SOX5: variants seen among roughly 807,000 people sequenced by gnomAD.
The protein encoded by SOX5 is SRY-box transcription factor 5.
A neutral mutation model predicts 92.0 loss-of-function variants in SOX5; 9 were observed. The ratio of observed to expected loss-of-function variants is 0.10; its 90% CI spans 0.06 to 0.17. SOX5 has a LOEUF of 0.17. SOX5 is among the 10% of genes least tolerant of loss of function. The probability of loss-of-function intolerance (pLI) is 1.00; values close to 1 mark genes in which losing one functional copy is unlikely to be tolerated. For synonymous variants in SOX5, 344 were observed against 336.3 expected, an observed-to-expected ratio of 1.02 and a Z score of -0.25; for missense variants, 642 against 944.5, an observed-to-expected ratio of 0.68 and a Z score of 4.20.
chr12:24,283,087 C>G (rs1284386615), intron 2 of SOX5, among the ~76,000 whole-genome samples: 3 of 152,146 alleles, frequency 2.0e-5, no homozygotes, highest in Admixed American at 2.0e-4. Flanking sequence ...GAGAACGTGC[C>G]GTAGTCTTAA....
chr12:23,856,263 C>T (rs1332566726), intron 2 of SOX5, among the ~76,000 whole-genome samples: 18 of 152,130 alleles, frequency 1.2e-4, no homozygotes, highest in East Asian at 1.9e-4. Flanking sequence ...GTAGTTTACA[C>T]GAGCAATGCT....
chr12:24,162,373 A>G (rs571538987), intron 4 of SOX5, among the ~76,000 whole-genome samples: 20 of 152,238 alleles, frequency 1.3e-4, no homozygotes, highest in African/African-American at 4.8e-4. Flanking sequence ...ATAATTAGAC[A>G]AAAGTAATGA....
At chr12:24,097,537 GT>G (rs34336040) in intron 4 of SOX5, among the ~76,000 whole-genome samples, 1,912 of 146,670 alleles carry the variant, frequency 0.013, 46 homozygotes, top group African/African-American at 0.044. Flanking sequence ...TCCATTTGAA[GT>G]TTTTTTTTTA....
At chr12:23,670,313 G>A (rs1052433036) in intron 6 of SOX5, among the ~76,000 whole-genome samples, 3 of 152,234 alleles carry the variant, frequency 2.0e-5, no homozygotes, top group African/African-American at 4.8e-5. Context: ...GACAGGCAAC[G>A]AAAAGGAGAA....
chr12:23,591,581 C>T (rs1951561564), intron 9 of SOX5, among the ~76,000 whole-genome samples: 1 of 151,994 alleles, frequency 6.6e-6, no homozygotes, highest in African/African-American at 2.4e-5. Flanking sequence ...AAAATGGGAC[C>T]AGAATCATCA....
intron 1 of SOX5, among the ~76,000 whole-genome samples, chr12:24,474,348 G>A (rs539848054): frequency 2.9e-4 from 44 of 152,252 alleles, no homozygotes; most frequent in Non-Finnish European, 5.9e-4. Context: ...TTACAAAGAA[G>A]AAAACTGATT....
intron 2 of SOX5, among the ~76,000 whole-genome samples, chr12:23,867,847 C>A (rs1033912250): frequency 6.6e-6 from 1 of 150,992 alleles, no homozygotes; most frequent in Non-Finnish European, 1.5e-5. Context: ...AAAACTTCCA[C>A]ATACAAAACA....
intron 2 of SOX5, among the ~76,000 whole-genome samples, chr12:24,363,382 GT>G (rs955503709): frequency 1.6e-4 from 24 of 152,048 alleles, no homozygotes; most frequent in Admixed American, 1.3e-3. Flanking sequence ...AGCATGCCCT[GT>G]TCTTTTGCAA....
In SOX5 at chr12:23,714,090, C is replaced by CAA. The variant is rs545073798; in HGVS notation, c.810+20592_810+20593dup. Reference sequence around the variant, plus strand: ...TAGGTGACAAAGCAAGACTCCGCCTCAAAAAAAAAAAAAAAGAAAAGATTA... The same window carrying CAA: ...TAGGTGACAAAGCAAGACTCCGCCTCAAAAAAAAAAAAAAAAAGAAAAGATTA... On this transcript the variant is annotated intron_variant, in intron 6 of 14. Transcript: ENST00000451604. Among the ~76,000 whole-genome samples the CAA allele has an allele frequency of 9.6e-4, 91 of 94,668 alleles. 2 individuals are homozygous for CAA. Among genetic ancestry groups the CAA allele is most frequent in the African/African-American group, 2.8e-3 (77 of 27,792 alleles). The allele number at this position is 94,668 out of a possible 152,430, so 62.1% of individuals were successfully genotyped here. A position where few individuals can be genotyped will look rare whatever the true frequency, so the allele number is the denominator to read the frequency against.
rs948638124 is a variant in SOX5 at position 23,531,422 on chromosome 12, G to A, written c.*2797C>T. The A allele has an allele frequency of 1.3e-5, 2 of 152,158 alleles. No individual in the cohort carries two copies. Among genetic ancestry groups the A allele is most frequent in the Non-Finnish European group, 2.9e-5 (2 of 68,038 alleles). 9.4% of individuals were successfully genotyped at this position (152,158 alleles called of 1,614,324 possible). ...GGTAAGTGTGTTAGAATTGATTTCAGCCATGAATGCCTTCAATGGCATCTA... is the reference window on the plus strand; with the variant it reads ...GGTAAGTGTGTTAGAATTGATTTCAACCATGAATGCCTTCAATGGCATCTA... On this transcript the variant is annotated 3_prime_UTR_variant, in exon 15 of 15. Coordinates refer to ENST00000451604, the MANE Select transcript of SOX5 (RefSeq NM_006940.6).
intron 1 of SOX5, among the ~76,000 whole-genome samples, chr12:24,505,872 T>C (rs866049079): frequency 4.4e-4 from 37 of 84,488 alleles, no homozygotes; most frequent in African/African-American, 1.3e-3. Flanking sequence ...TGTGTGTGTG[T>C]GCGCATCACT....
Position 23,530,168 on chromosome 12 carries a change from TAA to T in SOX5, c.*4049_*4050del, listed in dbSNP as rs1938664042. 1 of 152,238 alleles carries T rather than the reference TAA, an allele frequency of 6.6e-6. No homozygotes were observed. The highest frequency in any genetic ancestry group is 1.5e-5 in the Non-Finnish European group (1 of 68,028). The allele number at this position is 152,238 out of a possible 1,614,324, so 9.4% of individuals were successfully genotyped here. On this transcript the variant is annotated 3_prime_UTR_variant, in exon 15 of 15. Transcript: ENST00000451604. ...TTCATAGTTTTCCTTGCAGACCCCG[TAA>T]GTTTTATTTTATTATTAATTTGATA...
Position 24,257,616 on chromosome 12 carries a change from G to A in SOX5, c.-77+19600C>T, listed in dbSNP as rs185751135. Among the ~76,000 whole-genome samples the A allele has an allele frequency of 1.0e-3, 157 of 151,996 alleles. 4 individuals are homozygous for A. Among genetic ancestry groups the A allele is most frequent in the Admixed American group, 0.01 (154 of 15,266 alleles). The stretch of plus-strand genomic sequence containing the variant: ...CCTAAGTAGCTAGGATTACAGGCAC[G>A]CACCACCACGACTGGCTAATTTTTG... On this transcript the variant is annotated intron_variant, in intron 3 of 4. Transcript: ENST00000446891.
intron 4 of SOX5, among the ~76,000 whole-genome samples, chr12:24,062,995 T>C (rs1498882): frequency 0.56 from 84,992 of 152,104 alleles, 24,078 homozygotes; most frequent in Middle Eastern, 0.69. Flanking sequence ...TATTACCAAG[T>C]GCTTTATCAA....
upstream of SOX5, among the ~76,000 whole-genome samples, chr12:23,950,136 G>C (rs1365614546): frequency 6.6e-6 from 1 of 151,814 alleles, no homozygotes; most frequent in Non-Finnish European, 1.5e-5. Flanking sequence ...ACAGAAGCTC[G>C]ATTAAACTGC....
intron 2 of SOX5, among the ~76,000 whole-genome samples, chr12:24,300,843 T>C (rs1947866646): frequency 6.6e-6 from 1 of 152,226 alleles, no homozygotes; most frequent in Non-Finnish European, 1.5e-5. Flanking sequence ...TGCTTTCTGC[T>C]ATACCATTTT....
At chr12:24,088,686 TG>T (rs1283405308) in intron 4 of SOX5, among the ~76,000 whole-genome samples, 1 of 152,138 alleles carries the variant, frequency 6.6e-6, no homozygotes, top group Admixed American at 6.6e-5. Flanking sequence ...TGTTTCTACT[TG>T]AATATGGCTA....
intron 8 of SOX5, among the ~76,000 whole-genome samples, chr12:23,611,353 C>CGTGTGT (rs569434819): frequency 7.1e-6 from 1 of 140,270 alleles, no homozygotes; most frequent in Admixed American, 7.5e-5. Context: ...AGTATTCCAT[C>CGTGTGT]GTGTGTGTGT....
At chr12:24,267,167 A>T (rs554922970) in intron 3 of SOX5, among the ~76,000 whole-genome samples, 1 of 152,324 alleles carries the variant, frequency 6.6e-6, no homozygotes, top group Admixed American at 6.5e-5. Context: ...TCAAGGTTGC[A>T]GTGAGCCAAG....
Sources: gnomAD v4.1 joint callset for allele counts (sites outside exome capture counted in the v4.1 genomes callset) on GRCh38, gnomAD v4.1.1 for gene constraint, MANE v1.5 for transcripts, NCBI Gene and HGNC (gene_info 2026-07-23, HGNC 2026-07-21) for gene names.